The following RAD1 variants were observed in gnomAD, a reference collection of about 807,000 sequenced individuals.
RAD1 encodes RAD1 checkpoint DNA exonuclease.
Under a neutral mutation model 30.0 loss-of-function variants are expected in RAD1, and 21 were observed. The observed-to-expected ratio is 0.70, with a 90% confidence interval of 0.50 to 1.01. The LOEUF is 1.01. RAD1 is among the 50% of genes least tolerant of loss of function. RAD1 has a pLI of 0.00. For synonymous variants in RAD1, 109 were observed against 113.6 expected (o/e 0.96, Z 0.26); for missense variants, 329 against 329.0 (o/e 1.00, Z 0.00).
chr5:34,909,282 T>C lies in RAD1; in HGVS notation c.641A>G (p.His214Arg). Reference sequence around the variant, plus strand: ...CCTGTTGACTTGGGTCTGATTACAATGAAATGCTTCCATCAAATCAGAATC... The same window carrying C: ...CCTGTTGACTTGGGTCTGATTACAACGAAATGCTTCCATCAAATCAGAATC... ...PKDSDLMEAFHCNQTQVNRYK... is the reference protein window; with the variant it reads ...PKDSDLMEAFRCNQTQVNRYK... Residue 214 changes from histidine to arginine, a missense_variant, in exon 5 of 6, where the codon CAT (histidine) becomes CGT (arginine). Transcript: ENST00000382038. 1 of 1,610,718 alleles carries C rather than the reference T, an allele frequency of 6.2e-7. No individual in the cohort carries two copies. The highest frequency in any genetic ancestry group is 1.3e-5 in the African/African-American group (1 of 74,986).
rs549303534 is a variant in RAD1 at position 34,915,481 on chromosome 5, G to A, written c.-135C>T. 3 of 415,800 alleles carry A rather than the reference G, an allele frequency of 7.2e-6. No individual in the cohort carries two copies. Among genetic ancestry groups the A allele is most frequent in the Non-Finnish European group, 1.3e-5 (3 of 233,046 alleles). The allele number at this position is 415,800 out of a possible 1,614,324, so 25.8% of individuals were successfully genotyped here. On this transcript the variant is annotated 5_prime_UTR_variant, in exon 1 of 6. Transcript: ENST00000382038. Reference sequence around the variant, plus strand: ...AAAGTCCCTGAAGAGGAGCGAGGCGGCTCCGAGGAACCGCGGAGGAAGTGA... The same window carrying A: ...AAAGTCCCTGAAGAGGAGCGAGGCGACTCCGAGGAACCGCGGAGGAAGTGA...
chr5:34,908,722 A>T lies in RAD1; in HGVS notation c.*43T>A, dbSNP rs746331442. On this transcript the variant is annotated 3_prime_UTR_variant, in exon 6 of 6. Coordinates refer to ENST00000382038, the MANE Select transcript of RAD1 (RefSeq NM_002853.4). ...GTACTGTACTCAGAATAAGAACTTC[A>T]TCTATCATAAATGTACACATAAATA... 39 of 1,486,616 alleles carry T rather than the reference A, an allele frequency of 2.6e-5. No homozygotes were observed. The highest frequency in any genetic ancestry group is 3.5e-5 in the Non-Finnish European group (38 of 1,094,508). 92.1% of individuals were successfully genotyped at this position (1,486,616 alleles called of 1,614,324 possible).
In RAD1 at chr5:34,914,980, A is replaced by G. The variant is rs1764000738; in HGVS notation, c.-69-19T>C. 1 of 1,437,394 alleles carries G rather than the reference A, an allele frequency of 7.0e-7. No individual in the cohort carries two copies. The highest frequency in any genetic ancestry group is 9.6e-7 in the Non-Finnish European group (1 of 1,042,608). The allele number at this position is 1,437,394 out of a possible 1,614,324, so 89.0% of individuals were successfully genotyped here. A position where few individuals can be genotyped will look rare whatever the true frequency, so the allele number is the denominator to read the frequency against. On this transcript the variant is annotated intron_variant, in intron 1 of 5. Transcript: ENST00000382038. ...CAAACACCTGAAGGGATTAGACAGT[A>G]AAACTCCCATCAGTGCTGGCGAGGT...
chr5:34,911,095 A>T (rs970940075), intron 4 of RAD1, among the ~76,000 whole-genome samples: 3 of 152,308 alleles, frequency 2.0e-5, no homozygotes, highest in African/African-American at 7.2e-5. Context: ...TCTTCCCACA[A>T]TGCTTAATAA....
At position 34,909,807 on chromosome 5, in the gene RAD1, T is replaced by C. The variant is rs1386744928; in HGVS notation, c.567-451A>G. ...TTGCATGGTTTTCCTCACTTGGTAA[T>C]ACCAGAAGTTATTTGTAGACAATTT... On this transcript the variant is annotated intron_variant, in intron 4 of 5. Transcript: ENST00000382038. Among the ~76,000 whole-genome samples, 3 of 152,338 alleles carry C rather than the reference T, an allele frequency of 2.0e-5. No individual in the cohort carries two copies. The East Asian group carries it at 5.8e-4, about 29-fold the overall frequency.
Position 34,911,671 on chromosome 5 carries a change from G to T in RAD1, c.449C>A (p.Thr150Asn), listed in dbSNP as rs2111942585. The part of the protein sequence containing the change: ...EETLDFDFCS[T>N]NVINKIILQS... ...CAGAATAATTTTATTAATAACATTG[G>T]TGCTGCAGAAATCAAAGTCCAGGGT... The change falls in exon 4 of 6, where the codon ACC becomes AAC. Residue 150 changes from threonine (T) to asparagine (N), a missense_variant. By Grantham distance (65) the Thr-to-Asn change is moderately conservative. Transcript: ENST00000382038. 1.2e-6 allele frequency: 2 copies of T among 1,614,098 alleles called. No homozygotes were observed. Among genetic ancestry groups the T allele is most frequent in the Non-Finnish European group, 1.7e-6 (2 of 1,180,022 alleles).
At chr5:34,911,453 C>G in intron 4 of RAD1, 101 bp downstream of exon 4, 1 of 1,421,524 alleles carries the variant, frequency 7.0e-7, no homozygotes, top group Non-Finnish European at 9.6e-7. Context: ...TGTGAAAACT[C>G]TAAAAATGTG....
chr5:34,913,259 A>G (rs1344872803), intron 3 of RAD1, among the ~76,000 whole-genome samples: 1 of 151,308 alleles, frequency 6.6e-6, no homozygotes, highest in Admixed American at 6.6e-5. Context: ...TTGTAAATTA[A>G]AAAAAAAATG....
At chr5:34,914,053 A>C (rs1343595187) in intron 2 of RAD1, 1 of 455,710 alleles carries the variant, frequency 2.2e-6, no homozygotes, top group East Asian at 7.0e-5. Flanking sequence ...ACCGTGTCTT[A>C]TTTACCTCTC....
At chr5:34,913,603 T>C (rs764963792) in intron 2 of RAD1, 25 bp from the exon 3 acceptor site, 4 of 1,421,974 alleles carry the variant, frequency 2.8e-6, no homozygotes, top group Admixed American at 4.2e-5. Flanking sequence ...AAAATGAAAA[T>C]TGTTACATAA....
In RAD1 at chr5:34,906,296, A is replaced by G. The variant is rs1763652210; in HGVS notation, c.*2469T>C. The G allele has an allele frequency of 6.6e-6, 1 of 152,098 alleles. No homozygotes were observed. The highest frequency in any genetic ancestry group is 2.4e-5 in the African/African-American group (1 of 41,408). 9.4% of individuals were successfully genotyped at this position (152,098 alleles called of 1,614,324 possible). ...TAAATGTACAAAAATATCCATCCTT[A>G]CTGAGCTGATTTATATTTGTTTTAA... On this transcript the variant is annotated 3_prime_UTR_variant, in exon 6 of 6. Coordinates refer to ENST00000382038, the MANE Select transcript of RAD1 (RefSeq NM_002853.4).
chr5:34,909,566 T>C (rs1265585904), intron 4 of RAD1, among the ~76,000 whole-genome samples: 3 of 152,152 alleles, frequency 2.0e-5, no homozygotes, highest in Non-Finnish European at 4.4e-5. Context: ...AAATCAATTG[T>C]AAAAGGAAAA....
Position 34,911,680 on chromosome 5 carries a change from A to G in RAD1, c.440T>C (p.Phe147Ser). Residue 147 changes from phenylalanine to serine, a missense_variant, in exon 4 of 6, where the codon TTC (phenylalanine) becomes TCC (serine). Transcript: ENST00000382038. ...TTTATTAATAACATTGGTGCTGCAG[A>G]AATCAAAGTCCAGGGTCTCCTCAGG... ...QEPEETLDFD[F>S]CSTNVINKII... 1 of 1,614,164 alleles carries G rather than the reference A, an allele frequency of 6.2e-7. No homozygotes were observed. The highest frequency in any genetic ancestry group is 1.7e-5 in the Admixed American group (1 of 60,022).
chr5:34,907,549 C>A lies in RAD1; in HGVS notation c.*1216G>T, dbSNP rs1763693224. ...TTTTATTAAATATATTTATATGCCACAAAAATTATTTTAGTGACAACTACC... is the reference window on the plus strand; with the variant it reads ...TTTTATTAAATATATTTATATGCCAAAAAAATTATTTTAGTGACAACTACC... On this transcript the variant is annotated 3_prime_UTR_variant, in exon 6 of 6. Transcript: ENST00000382038. 6.6e-6 allele frequency: 1 copy of A among 152,118 alleles called. No individual in the cohort carries two copies. The highest frequency in any genetic ancestry group is 2.4e-5 in the African/African-American group (1 of 41,424). 9.4% of individuals were successfully genotyped at this position (152,118 alleles called of 1,614,324 possible). A position where few individuals can be genotyped will look rare whatever the true frequency, so the allele number is the denominator to read the frequency against.
Position 34,914,769 on chromosome 5 carries a change from A to C in RAD1, c.124T>G (p.Cys42Gly). Residue 42 changes from cysteine (C) to glycine (G), a missense_variant, in exon 2 of 6, where the codon TGT (cysteine) becomes GGT (glycine). Coordinates refer to ENST00000382038, the MANE Select transcript of RAD1 (RefSeq NM_002853.4). Reference sequence around the variant, plus strand: ...TTGATACCATTTTTAGTTGCGAAACACGTGGCATGTTCTCGGAAATGAATA... The same window carrying C: ...TTGATACCATTTTTAGTTGCGAAACCCGTGGCATGTTCTCGGAAATGAATA... ...KAIHFREHAT[C>G]FATKNGIKVT... 6.2e-7 allele frequency: 1 copy of C among 1,614,268 alleles called. No homozygotes were observed. The highest frequency in any genetic ancestry group is 8.5e-7 in the Non-Finnish European group (1 of 1,180,048).
chr5:34,909,045 A>G (rs1461857452), intron 5 of RAD1, 97 bp from the exon 6 acceptor site: 2 of 1,181,938 alleles, frequency 1.7e-6, no homozygotes, highest in African/African-American at 3.1e-5. Flanking sequence ...TAAGAATAAA[A>G]TCAAGTACTT....
At chr5:34,913,799 G>A in intron 2 of RAD1, 1 of 538,552 alleles carries the variant, frequency 1.9e-6, no homozygotes, top group South Asian at 1.9e-5. Context: ...CCCTTGTCTC[G>A]TTTTTGTGCC....
At chr5:34,915,165 G>A (rs41271667) in intron 1 of RAD1, among the ~76,000 whole-genome samples, 179 of 152,326 alleles carry the variant, frequency 1.2e-3, no homozygotes, top group African/African-American at 4.2e-3. Context: ...ACAATAACGT[G>A]AAAAGTTGTG....
rs1344654513 is a variant in RAD1, at chr5:34,911,730, T to C, written c.390A>G (p.Thr130=). The C allele has an allele frequency of 6.2e-7, 1 of 1,614,072 alleles. No homozygotes were observed. The highest frequency in any genetic ancestry group is 8.5e-7 in the Non-Finnish European group (1 of 1,180,038). The change falls in exon 4 of 6, where the codon ACA becomes ACG. Residue 130 remains threonine (T), a synonymous_variant. Coordinates refer to ENST00000382038, the MANE Select transcript of RAD1 (RefSeq NM_002853.4). ...MLFLEEGGVV[T]VCKINTQEPE... ...GTTCCTGTGTATTGATTTTGCAGAC[T>C]GTCACCACTCCTCCTTCTTCCAGGA...
Sources: allele counts gnomAD v4.1 joint callset (sites outside exome capture counted in the v4.1 genomes callset), GRCh38; gene constraint gnomAD v4.1.1; transcripts MANE v1.5; gene names NCBI Gene and HGNC (gene_info 2026-07-23, HGNC 2026-07-21).